The following CAMK4 variants were observed in gnomAD, a reference collection of about 807,000 sequenced individuals.
CAMK4 encodes the protein calcium/calmodulin dependent protein kinase IV.
Under a neutral mutation model 44.9 loss-of-function variants are expected in CAMK4, and 22 were observed. That is an observed-to-expected ratio of 0.49 (90% CI 0.35 to 0.70). The LOEUF (loss-of-function observed/expected upper bound fraction) is 0.70. Among genes scored for constraint, CAMK4 ranks in the 30% least tolerant of loss-of-function variants. The pLI is 0.01. For missense variants in CAMK4, 498 were observed against 586.8 expected, an observed-to-expected ratio of 0.85 and a Z score of 1.56; for synonymous variants, 218 against 215.4, an observed-to-expected ratio of 1.01 and a Z score of -0.11.
chr5:111,310,118 C>G (rs1748135203), intron 1 of CAMK4, among the ~76,000 whole-genome samples: 1 of 152,008 alleles, frequency 6.6e-6, no homozygotes. Context: ...CATATTCAAC[C>G]TCGTTTTGGG....
At chr5:111,448,429 G>A (rs1006325234) in intron 6 of CAMK4, among the ~76,000 whole-genome samples, 2 of 152,084 alleles carry the variant, frequency 1.3e-5, no homozygotes, top group Admixed American at 1.3e-4. Flanking sequence ...CATTAATTCT[G>A]TATTGTCCCT....
chr5:111,350,804 A>C (rs540064034), intron 2 of CAMK4, among the ~76,000 whole-genome samples: 3 of 152,238 alleles, frequency 2.0e-5, no homozygotes, highest in South Asian at 2.1e-4. Context: ...TTAATCAAAG[A>C]AGCACACATT....
intron 1 of CAMK4, among the ~76,000 whole-genome samples, chr5:111,246,650 T>C (rs1749254486): frequency 6.6e-6 from 1 of 152,166 alleles, no homozygotes; most frequent in African/African-American, 2.4e-5. Flanking sequence ...TCCAGGACAG[T>C]AAGGATCTTT....
At chr5:111,301,698 T>C (rs1167589144) in intron 1 of CAMK4, among the ~76,000 whole-genome samples, 3 of 152,342 alleles carry the variant, frequency 2.0e-5, no homozygotes, top group African/African-American at 7.2e-5. Flanking sequence ...GCCAAATAAC[T>C]TCCTTATACC....
chr5:111,260,954 A>C (rs1313427989), intron 1 of CAMK4, among the ~76,000 whole-genome samples: 2 of 152,212 alleles, frequency 1.3e-5, no homozygotes, highest in African/African-American at 4.8e-5. Flanking sequence ...TCTCAGTCAT[A>C]GTTCTTAAGA....
At chr5:111,224,316 CCCCGCCCACCG>C (rs1748052049), upstream of CAMK4, 2 of 1,023,938 alleles carry the variant, frequency 2.0e-6, no homozygotes, top group African/African-American at 3.4e-5. The surrounding 1 kb of genome is among the most constrained non-coding windows in gnomAD (Gnocchi z 5.7). Flanking sequence ...TCGCCCCCTT[CCCCGCCCACCG>C]TCCCTGCGAG....
intron 1 of CAMK4, among the ~76,000 whole-genome samples, chr5:111,246,660 T>C (rs1282073261): frequency 6.6e-6 from 1 of 152,172 alleles, no homozygotes; most frequent in Non-Finnish European, 1.5e-5. Context: ...TAAGGATCTT[T>C]ACATCCTCCT....
intron 5 of CAMK4, among the ~76,000 whole-genome samples, chr5:111,421,871 C>T (rs1202999448): frequency 6.6e-6 from 1 of 152,128 alleles, no homozygotes; most frequent in Non-Finnish European, 1.5e-5. Context: ...ATGCTGTTCT[C>T]ATGATAGTGA....
chr5:111,416,455 T>A (rs1056815299), intron 5 of CAMK4: 3 of 152,214 alleles, frequency 2.0e-5, no homozygotes, highest in Non-Finnish European at 4.4e-5. Flanking sequence ...GAAAGGATGT[T>A]AATTACAAAT....
chr5:111,345,538 G>C (rs1456749948), intron 2 of CAMK4, among the ~76,000 whole-genome samples: 1 of 151,918 alleles, frequency 6.6e-6, no homozygotes, highest in Non-Finnish European at 1.5e-5. Context: ...TTTAGGACTT[G>C]TTTGTACGAT....
chr5:111,394,292 G>A (rs940518768), intron 4 of CAMK4, among the ~76,000 whole-genome samples: 1 of 152,050 alleles, frequency 6.6e-6, no homozygotes, highest in African/African-American at 2.4e-5. Flanking sequence ...ATTATATAAT[G>A]TCTGATGCGT....
At chr5:111,230,837 G>GT (rs140801554) in intron 1 of CAMK4, among the ~76,000 whole-genome samples, 2,488 of 151,378 alleles carry the variant, frequency 0.016, 29 homozygotes, top group East Asian at 0.055. Context: ...AAAATAAAGG[G>GT]TTTTTTAAAA....
chr5:111,293,742 CT>C (rs35117453), intron 1 of CAMK4, among the ~76,000 whole-genome samples: 2,998 of 83,460 alleles, frequency 0.036, 49 homozygotes, highest in East Asian at 0.16. Context: ...TGCTGCTCTA[CT>C]TTTTTTTTTT....
At chr5:111,324,926 T>C (rs1175284628) in intron 1 of CAMK4, among the ~76,000 whole-genome samples, 1 of 152,044 alleles carries the variant, frequency 6.6e-6, no homozygotes, top group African/African-American at 2.4e-5. Flanking sequence ...GGTGGTTTGC[T>C]GCACCTATCA....
chr5:111,464,767 CTTTGA>C (rs1754764134), intron 7 of CAMK4, among the ~76,000 whole-genome samples: 1 of 152,158 alleles, frequency 6.6e-6, no homozygotes, highest in Non-Finnish European at 1.5e-5. Flanking sequence ...ATTTGGTTAA[CTTTGA>C]TTTAAGTAAG....
At chr5:111,449,377 A>G (rs1754150200) in intron 7 of CAMK4, among the ~76,000 whole-genome samples, 174 bp downstream of exon 7, 2 of 152,180 alleles carry the variant, frequency 1.3e-5, no homozygotes, top group Non-Finnish European at 1.5e-5. Context: ...CTTGTTTTCT[A>G]TGAGAGGTTC....
chr5:111,292,960 A>T (rs1747335977), intron 1 of CAMK4, among the ~76,000 whole-genome samples: 1 of 152,128 alleles, frequency 6.6e-6, no homozygotes, highest in Non-Finnish European at 1.5e-5. Flanking sequence ...TTTAAAATGA[A>T]TTTTTGCAGA....
chr5:111,224,289 C>T (rs1748049940), upstream of CAMK4: 1 of 699,792 alleles, frequency 1.4e-6, no homozygotes, highest in South Asian at 3.7e-5. The surrounding 1 kb of genome is among the most constrained non-coding windows in gnomAD (Gnocchi z 5.7). Context: ...TTCCCCCTCG[C>T]GCCCTCTCGC....
chr5:111,423,541 C>A (rs2112922516), intron 5 of CAMK4, among the ~76,000 whole-genome samples: 1 of 152,326 alleles, frequency 6.6e-6, no homozygotes, highest in South Asian at 2.1e-4. Flanking sequence ...CATTCCAGAA[C>A]CTTCTACCTC....
Sources: allele counts gnomAD v4.1 joint callset (sites outside exome capture counted in the v4.1 genomes callset), GRCh38; gene constraint gnomAD v4.1.1; non-coding constraint Gnocchi (gnomAD v3.1); transcripts MANE v1.5; gene names NCBI Gene and HGNC (gene_info 2026-07-23, HGNC 2026-07-21).